The following SMU1 variants were observed in gnomAD, a reference collection of about 807,000 sequenced individuals.
SMU1 encodes WD40 repeat-containing protein SMU1.
A neutral mutation model predicts 62.0 loss-of-function variants in SMU1; 2 were observed. The observed-to-expected ratio is 0.03, with a 90% CI of 0.01 to 0.10. SMU1 has a LOEUF of 0.10. Ranked by LOEUF, SMU1 falls within the 10% of genes least tolerant of loss-of-function variation. The pLI is 1.00. For missense variants in SMU1, 227 were observed against 622.1 expected (o/e 0.36, Z 6.76); for synonymous variants, 188 against 212.4 (o/e 0.89, Z 1.00).
chr9:33,065,266 G>GCCC, intron 4 of SMU1, among the ~76,000 whole-genome samples: 3 of 152,098 alleles, frequency 2.0e-5, no homozygotes, highest in Admixed American at 2.0e-4. Context: ...TTCTACCCCA[G>GCCC]CCCCCAACAA....
chr9:33,064,726 G>A (rs954169284), intron 4 of SMU1, among the ~76,000 whole-genome samples: 1 of 150,878 alleles, frequency 6.6e-6, no homozygotes, highest in African/African-American at 2.4e-5. Context: ...AAGTTTCTTT[G>A]CTAAATATAT....
intron 5 of SMU1, among the ~76,000 whole-genome samples, chr9:33,060,925 G>A (rs943579867): frequency 2.6e-5 from 4 of 152,162 alleles, no homozygotes; most frequent in South Asian, 2.1e-4. Context: ...CACTGTTAGC[G>A]TGACTTTCAC....
Position 33,057,538 on chromosome 9 carries a change from T to C in SMU1, c.867+60A>G, listed in dbSNP as rs560585509. The C allele has an allele frequency of 5.0e-6, 8 of 1,592,430 alleles. No individual in the cohort carries two copies. The South Asian group carries it at 6.6e-5, about 13-fold the overall frequency. On this transcript the variant is annotated intron_variant, in intron 7 of 11. Transcript: ENST00000397149. ...ATGCTGAATATCATATGTAGGACAC[T>C]ACCCCATAGCAGAACATTCAAAATG...
At chr9:33,076,486 C>G (rs1186458309) in intron 1 of SMU1, 97 bp downstream of exon 1, 4 of 1,468,972 alleles carry the variant, frequency 2.7e-6, no homozygotes, top group Non-Finnish European at 1.9e-6. Context: ...CCTCCACTCC[C>G]TGGCCTCTCG....
Position 33,047,181 on chromosome 9 carries a change from T to C in SMU1, c.*112A>G, listed in dbSNP as rs1839195034. On this transcript the variant is annotated 3_prime_UTR_variant, in exon 12 of 12. Coordinates refer to ENST00000397149, the MANE Select transcript of SMU1 (RefSeq NM_018225.3). ...TTTCACAAAATTATTCTGTGACTAA[T>C]TCAGACAATCTATTTGCTTAGAAAA... 2 of 645,374 alleles carry C rather than the reference T, an allele frequency of 3.1e-6. No individual in the cohort carries two copies. Among genetic ancestry groups the C allele is most frequent in the Non-Finnish European group, 2.6e-6 (1 of 378,024 alleles). 40.0% of individuals were successfully genotyped at this position (645,374 alleles called of 1,614,324 possible). A position where few individuals can be genotyped will look rare whatever the true frequency, so the allele number is the denominator to read the frequency against.
At chr9:33,062,249 C>T in intron 4 of SMU1, 72 bp from the exon 5 acceptor site, 5 of 1,525,784 alleles carry the variant, frequency 3.3e-6, no homozygotes, top group Non-Finnish European at 4.4e-6. Context: ...GCTCAGAAAC[C>T]AAGCCCGAAA....
chr9:33,060,418 C>T (rs1537041), intron 6 of SMU1, 47 bp downstream of exon 6: 581,489 of 1,513,444 alleles, frequency 0.38, 114,369 homozygotes, highest in Middle Eastern at 0.41. Context: ...TAATTCAAAG[C>T]AGGTAATTTT....
intron 5 of SMU1, among the ~76,000 whole-genome samples, chr9:33,061,515 C>T (rs1839360940): frequency 6.6e-6 from 1 of 152,054 alleles, no homozygotes; most frequent in Non-Finnish European, 1.5e-5. Context: ...GTAGCAAATA[C>T]ACTTGTAATT....
At chr9:33,066,407 A>C (rs1404382252) in intron 4 of SMU1, among the ~76,000 whole-genome samples, 1 of 150,296 alleles carries the variant, frequency 6.7e-6, no homozygotes, top group African/African-American at 2.4e-5. Flanking sequence ...ATGAGGGTCT[A>C]GGCTGGGCTC....
chr9:33,048,393 C>G, intron 10 of SMU1, 135 bp from the exon 11 acceptor site: 1 of 1,071,570 alleles, frequency 9.3e-7, no homozygotes, highest in Non-Finnish European at 1.3e-6. Context: ...GATCTCCAGT[C>G]CTGTTCATCA....
At chr9:33,060,797 G>C (rs1464890413) in intron 5 of SMU1, among the ~76,000 whole-genome samples, 1 of 152,204 alleles carries the variant, frequency 6.6e-6, no homozygotes, top group East Asian at 1.9e-4. Flanking sequence ...CTAAGTTGAA[G>C]CTAGTTTTTT....
At chr9:33,069,051 CAGTT>C in intron 3 of SMU1, 117 bp from the exon 4 acceptor site, 1 of 1,392,468 alleles carries the variant, frequency 7.2e-7, no homozygotes, top group Non-Finnish European at 9.4e-7. Flanking sequence ...AGAAATTACC[CAGTT>C]AAAGAAGGGA....
At chr9:33,058,779 A>C (rs1211249127) in intron 6 of SMU1, among the ~76,000 whole-genome samples, 1 of 152,216 alleles carries the variant, frequency 6.6e-6, no homozygotes, top group East Asian at 1.9e-4. Flanking sequence ...CTGTAGGAAA[A>C]AAGATGAATA....
At chr9:33,059,037 T>C (rs527649929) in intron 6 of SMU1, among the ~76,000 whole-genome samples, 2 of 152,248 alleles carry the variant, frequency 1.3e-5, no homozygotes, top group African/African-American at 2.4e-5. Context: ...GCTTTTCACA[T>C]AGAAAAAGAT....
chr9:33,066,910 T>G (rs1839427612), intron 4 of SMU1, among the ~76,000 whole-genome samples: 1 of 152,028 alleles, frequency 6.6e-6, no homozygotes, highest in African/African-American at 2.4e-5. Flanking sequence ...ACAGTAACTG[T>G]GCAGCAATGC....
chr9:33,071,889 C>T lies in SMU1; in HGVS notation c.241G>A (p.Val81Ile). 6.5e-7 allele frequency: 1 copy of T among 1,529,976 alleles called. No homozygotes were observed. The highest frequency in any genetic ancestry group is 1.3e-5 in the South Asian group (1 of 79,702). The allele number at this position is 1,529,976 out of a possible 1,614,324, so 94.8% of individuals were successfully genotyped here. A position where few individuals can be genotyped will look rare whatever the true frequency, so the allele number is the denominator to read the frequency against. Residue 81 changes from valine (V) to isoleucine (I), a missense_variant, in exon 3 of 12, where the codon GTT becomes ATT. By Grantham distance (29) the Val-to-Ile change is conservative. This residue lies in a region of SMU1 where 99 missense variants were observed against 270.3 expected (regional missense o/e 0.37). Coordinates refer to ENST00000397149, the MANE Select transcript of SMU1 (RefSeq NM_018225.3). ...KTLIDLYEQV[V>I]LELIELRELG... The stretch of plus-strand genomic sequence containing the variant: ...TCACGGAGCTCTATCAATTCCAGAA[C>T]AACCTGGACAATTAAAAAAAAACAA...
intron 4 of SMU1, among the ~76,000 whole-genome samples, chr9:33,065,452 A>T (rs1457830405): frequency 1.3e-5 from 2 of 152,224 alleles, no homozygotes; most frequent in Non-Finnish European, 2.9e-5. Flanking sequence ...AAGGAATAAA[A>T]AAGATACATG....
At chr9:33,072,560 G>A (rs1393052325) in intron 2 of SMU1, among the ~76,000 whole-genome samples, 3 of 152,010 alleles carry the variant, frequency 2.0e-5, no homozygotes, top group Non-Finnish European at 2.9e-5. Context: ...GCCCAGACAC[G>A]GCAGCTCACA....
rs554453366 is a variant in SMU1 at position 33,053,150 on chromosome 9, C to T, written c.1263G>A (p.Thr421=). 8.1e-6 allele frequency: 13 copies of T among 1,612,064 alleles called. No individual in the cohort carries two copies. In the East Asian group the frequency reaches 1.8e-4, roughly 22 times the overall value. The stretch of plus-strand genomic sequence containing the variant: ...GCCCCTGCATGTTCATGATGACCAC[C>T]GTGTTTGATCTGTTGCACACCACAA... ...EHFVVCNRSN[T]VVIMNMQGQI... Residue 421 remains threonine, a synonymous_variant, in exon 10 of 12, where the codon ACG becomes ACA. Coordinates refer to ENST00000397149, the MANE Select transcript of SMU1 (RefSeq NM_018225.3).
Sources: gnomAD v4.1 joint callset for allele counts (sites outside exome capture counted in the v4.1 genomes callset) on GRCh38, gnomAD v4.1.1 for gene constraint, gnomAD v4.1.1 regional missense constraint, MANE v1.5 for transcripts, NCBI Gene and HGNC (gene_info 2026-07-23, HGNC 2026-07-21) for gene names.